MAP6: variants seen among roughly 807,000 people sequenced by gnomAD.
The protein encoded by MAP6 is microtubule-associated protein 6.
A neutral mutation model predicts 42.4 loss-of-function variants in MAP6; 26 were observed. The ratio of observed to expected loss-of-function variants is 0.61; its 90% CI spans 0.45 to 0.85. The LOEUF is 0.85. Among genes scored for constraint, MAP6 ranks in the 40% least tolerant of loss-of-function variants. MAP6 has a pLI of 0.00. For synonymous variants in MAP6, 418 were observed against 443.8 expected, an observed-to-expected ratio of 0.94 and a Z score of 0.73; for missense variants, 966 against 1,099.0, an observed-to-expected ratio of 0.88 and a Z score of 1.71.
At chr11:75,607,046 G>T (rs1195075302) in intron 2 of MAP6, among the ~76,000 whole-genome samples, 1 of 152,216 alleles carries the variant, frequency 6.6e-6, no homozygotes, top group African/African-American at 2.4e-5. Flanking sequence ...GGCCTTGCAG[G>T]CTGGATCATT....
At chr11:75,603,097 T>G (rs1942694771) in intron 3 of MAP6, 3 of 985,668 alleles carry the variant, frequency 3.0e-6, no homozygotes. Flanking sequence ...ACTTCCTGTC[T>G]GCCTCAGAGA....
At chr11:75,591,715 C>A (rs1440854105) in intron 3 of MAP6, among the ~76,000 whole-genome samples, 1 of 152,258 alleles carries the variant, frequency 6.6e-6, no homozygotes, top group Non-Finnish European at 1.5e-5. Context: ...ACCCCGAAAG[C>A]ACTAACCTCT....
intron 1 of MAP6, among the ~76,000 whole-genome samples, chr11:75,622,070 G>A (rs1943121456): frequency 1.3e-5 from 2 of 151,514 alleles, no homozygotes; most frequent in South Asian, 4.2e-4. Flanking sequence ...ACCCAATAAA[G>A]GCTACTAGAA....
chr11:75,610,403 A>G (rs1483117577), intron 1 of MAP6, among the ~76,000 whole-genome samples: 2 of 152,136 alleles, frequency 1.3e-5, no homozygotes, highest in Non-Finnish European at 2.9e-5. Context: ...ATATGTACTG[A>G]GTGCTTATGG....
chr11:75,604,751 G>T, intron 3 of MAP6: 1 of 985,402 alleles, frequency 1.0e-6, no homozygotes, highest in Non-Finnish European at 1.2e-6. Context: ...GGTCAAAGCT[G>T]CTTGCTAATT....
intron 1 of MAP6, chr11:75,642,899 C>G (rs577010752): frequency 2.0e-6 from 1 of 491,594 alleles, no homozygotes; most frequent in Non-Finnish European, 4.2e-6. Context: ...TCATCTCAAG[C>G]ATTTCAATGA....
At chr11:75,605,728 T>C in intron 3 of MAP6, 80 bp downstream of exon 3, 1 of 1,567,466 alleles carries the variant, frequency 6.4e-7, no homozygotes, top group Non-Finnish European at 8.6e-7. Context: ...GTGGCCTTTT[T>C]TGGTTTGTTG....
At chr11:75,623,317 G>GT (rs1185630415) in intron 1 of MAP6, among the ~76,000 whole-genome samples, 2 of 152,224 alleles carry the variant, frequency 1.3e-5, no homozygotes, top group African/African-American at 4.8e-5. Flanking sequence ...GCCGAGGCTT[G>GT]TGAGTGAGAG....
At chr11:75,631,559 G>A (rs566794303) in intron 1 of MAP6, among the ~76,000 whole-genome samples, 1 of 152,306 alleles carries the variant, frequency 6.6e-6, no homozygotes, top group African/African-American at 2.4e-5. Flanking sequence ...ATGGATGGCT[G>A]TCAAGTGGCT....
chr11:75,637,008 C>T (rs984942655), intron 1 of MAP6, among the ~76,000 whole-genome samples: 1 of 152,118 alleles, frequency 6.6e-6, no homozygotes, highest in Non-Finnish European at 1.5e-5. Context: ...AAATAGCTTC[C>T]CATACTAAAC....
chr11:75,662,617 A>T (rs980279905), intron 1 of MAP6, among the ~76,000 whole-genome samples: 1 of 152,228 alleles, frequency 6.6e-6, no homozygotes, highest in East Asian at 1.9e-4. Flanking sequence ...GATGTGGCCC[A>T]GGAATCTGCA....
chr11:75,613,017 G>T lies in MAP6; in HGVS notation c.906-4695C>A, dbSNP rs1344853781. The stretch of plus-strand genomic sequence containing the variant: ...CCTACTCTTGAGTCCAGTCTCATTT[G>T]CATGGCTGCAAAGGGGCATCCTATG... On this transcript the variant is annotated intron_variant, in intron 1 of 3. Coordinates refer to ENST00000304771, the MANE Select transcript of MAP6 (RefSeq NM_033063.2). Among the ~76,000 whole-genome samples, 5 of 152,262 alleles carry T rather than the reference G, an allele frequency of 3.3e-5. No homozygotes were observed. The East Asian group carries it at 9.6e-4, about 29-fold the overall frequency.
In MAP6 at chr11:75,587,418, C is replaced by T. The variant is rs763548044; in HGVS notation, c.2083G>A (p.Asp695Asn). 11 of 1,614,018 alleles carry T rather than the reference C, an allele frequency of 6.8e-6. No individual in the cohort carries two copies. The highest frequency in any genetic ancestry group is 3.3e-5 in the South Asian group (3 of 91,076). Reference sequence around the variant, plus strand: ...TTTACAGGTGCCACAACTGCAGAATCGTGAACCTTTGCATGCTCTGGGACT... The same window carrying T: ...TTTACAGGTGCCACAACTGCAGAATTGTGAACCTTTGCATGCTCTGGGACT... The part of the protein sequence containing the change: ...VVVPEHAKVH[D>N]SAVVAPVKNQ... The change falls in exon 4 of 4, where the codon GAT becomes AAT. Residue 695 changes from aspartate (D) to asparagine (N), a missense_variant. Asp to Asn is a conservative substitution (Grantham distance 23). Around this residue, in one of 2 missense-constraint regions of MAP6, gnomAD observed 943 missense variants for 1,049.9 expected, o/e 0.90. Coordinates refer to ENST00000304771, the MANE Select transcript of MAP6 (RefSeq NM_033063.2).
intron 3 of MAP6, among the ~76,000 whole-genome samples, chr11:75,598,211 C>G: frequency 6.6e-6 from 1 of 152,300 alleles, no homozygotes; most frequent in Non-Finnish European, 1.5e-5. Context: ...TTATTGTTAT[C>G]TATTGGAGGC....
chr11:75,642,703 G>A (rs1419158366), intron 1 of MAP6: 1 of 226,860 alleles, frequency 4.4e-6, no homozygotes, highest in Non-Finnish European at 9.6e-6. Context: ...AAGGTGACCT[G>A]TGGCAAATGT....
At chr11:75,663,612 C>T (rs1307634509) in intron 1 of MAP6, among the ~76,000 whole-genome samples, 2 of 151,986 alleles carry the variant, frequency 1.3e-5, no homozygotes, top group Admixed American at 1.3e-4. Context: ...ATCAAGCAGA[C>T]AATGATAAGG....
At chr11:75,608,583 T>C (rs1383403930) in intron 1 of MAP6, among the ~76,000 whole-genome samples, 4 of 152,174 alleles carry the variant, frequency 2.6e-5, no homozygotes, top group Non-Finnish European at 4.4e-5. Context: ...TGTGTGACCA[T>C]GGGCAGGCAA....
At chr11:75,591,895 C>A (rs1439283711) in intron 3 of MAP6, among the ~76,000 whole-genome samples, 2 of 152,168 alleles carry the variant, frequency 1.3e-5, no homozygotes, top group African/African-American at 4.8e-5. Context: ...GCTAGGTGGG[C>A]GTCTGGAATA....
At position 75,667,764 on chromosome 11, in the gene MAP6, C is replaced by T. The variant is rs1403322029; in HGVS notation, c.606G>A (p.Glu202=). The T allele has an allele frequency of 8.4e-6, 11 of 1,309,050 alleles. No individual in the cohort carries two copies. Among genetic ancestry groups the T allele is most frequent in the African/African-American group, 1.5e-5 (1 of 64,924 alleles). The allele number at this position is 1,309,050 out of a possible 1,614,324, so 81.1% of individuals were successfully genotyped here. A position where few individuals can be genotyped will look rare whatever the true frequency, so the allele number is the denominator to read the frequency against. Residue 202 remains glutamate (E), a synonymous_variant, in exon 1 of 4, where the codon GAG becomes GAA. Transcript: ENST00000304771. This position sits in a 1 kb window ranked among gnomAD's most constrained non-coding sequence, Gnocchi z 5.6. Reference sequence around the variant, plus strand: ...CAGCGGCGGCCTGCACTGGCCAGCGCTCCTGGCTCTGCGGCCGGCGCTTGG... The same window carrying T: ...CAGCGGCGGCCTGCACTGGCCAGCGTTCCTGGCTCTGCGGCCGGCGCTTGG... The part of the protein sequence containing the change: ...GAPKRRPQSQ[E]RWPVQAAAEA...
Sources: gnomAD v4.1 joint callset for allele counts (sites outside exome capture counted in the v4.1 genomes callset) on GRCh38, gnomAD v4.1.1 for gene constraint, gnomAD v4.1.1 regional missense constraint, Gnocchi (gnomAD v3.1) non-coding constraint, MANE v1.5 for transcripts, NCBI Gene and HGNC (gene_info 2026-07-23, HGNC 2026-07-21) for gene names.